The following FIGN variants were observed in gnomAD, a reference collection of about 807,000 sequenced individuals.
FIGN encodes fidgetin.
In FIGN, 11 loss-of-function variants were observed where a neutral mutation model predicts 51.3. That is an observed-to-expected ratio of 0.21 (90% CI 0.13 to 0.35). The LOEUF (loss-of-function observed/expected upper bound fraction) is 0.35, where lower values mean the gene tolerates loss of function less well. Among genes scored for constraint, FIGN ranks in the 10% least tolerant of loss-of-function variants. FIGN has a pLI of 1.00. For synonymous variants in FIGN, 407 were observed against 363.2 expected (o/e 1.12, Z -1.37); for missense variants, 857 against 943.6 (o/e 0.91, Z 1.20).
intron 2 of FIGN, among the ~76,000 whole-genome samples, chr2:163,707,277 A>G (rs926427495): frequency 3.3e-5 from 5 of 151,952 alleles, no homozygotes; most frequent in Admixed American, 3.3e-4. Context: ...TGAATCCAGG[A>G]GGTGGAGGTT....
chr2:163,620,118 T>C lies in FIGN; in HGVS notation c.26-8312A>G, dbSNP rs573235590. ...CTAAGTGTCAGGTGTCATTAACTAT[T>C]GTAAGGGAAAGAGTCTGAGGTAAAA... On this transcript the variant is annotated intron_variant, in intron 2 of 2. Coordinates refer to ENST00000333129, the MANE Select transcript of FIGN (RefSeq NM_018086.4). Among the ~76,000 whole-genome samples the C allele has an allele frequency of 2.6e-5, 4 of 152,292 alleles. No homozygotes were observed. The South Asian group carries it at 8.3e-4, about 32-fold the overall frequency.
chr2:163,723,501 T>A (rs1246885260), intron 2 of FIGN, among the ~76,000 whole-genome samples: 1 of 152,130 alleles, frequency 6.6e-6, no homozygotes, highest in Non-Finnish European at 1.5e-5. Context: ...TCGAAATCAA[T>A]CCTAATTAGG....
Position 163,735,055 on chromosome 2 carries a change from G to A in FIGN, c.-128C>T, listed in dbSNP as rs912304970. On this transcript the variant is annotated 5_prime_UTR_variant, in exon 2 of 3. It adds an upstream start codon to the 5' untranslated region. Coordinates refer to ENST00000333129, the MANE Select transcript of FIGN (RefSeq NM_018086.4). Reference sequence around the variant, plus strand: ...ACTGCCTTGAAACGTGGGCCCTTTCGTCAGGTATTCATTTAACCTACATGC... The same window carrying A: ...ACTGCCTTGAAACGTGGGCCCTTTCATCAGGTATTCATTTAACCTACATGC... 1 of 831,892 alleles carries A rather than the reference G, an allele frequency of 1.2e-6. No homozygotes were observed. Among genetic ancestry groups the A allele is most frequent in the Non-Finnish European group, 1.9e-6 (1 of 527,300 alleles). The allele number at this position is 831,892 out of a possible 1,614,324, so 51.5% of individuals were successfully genotyped here.
At chr2:163,725,032 CCT>C (rs551513640) in intron 2 of FIGN, among the ~76,000 whole-genome samples, 2 of 152,010 alleles carry the variant, frequency 1.3e-5, no homozygotes, top group Non-Finnish European at 2.9e-5. Context: ...GTTAGCTTTG[CCT>C]CAATGACTTT....
Position 163,610,284 on chromosome 2 carries a change from C to T in FIGN, c.1548G>A (p.Thr516=), listed in dbSNP as rs770726947. 35 of 1,613,984 alleles carry T rather than the reference C, an allele frequency of 2.2e-5. No homozygotes were observed. In the East Asian group the frequency reaches 4.5e-4, roughly 21 times the overall value. Residue 516 remains threonine, a synonymous_variant, in exon 3 of 3, where the codon ACG becomes ACA. Transcript: ENST00000333129. Reference sequence around the variant, plus strand: ...ATAAAAGGATGCTCCGAGGTAAGGCCGTCAGTCCACTGAACGCGTCTGACC... The same window carrying T: ...ATAAAAGGATGCTCCGAGGTAAGGCTGTCAGTCCACTGAACGCGTCTGACC... ...VLRSDAFSGL[T]ALPRSILLFG...
At chr2:163,702,055 A>G (rs997199905) in intron 2 of FIGN, among the ~76,000 whole-genome samples, 2 of 152,132 alleles carry the variant, frequency 1.3e-5, no homozygotes, top group Admixed American at 1.3e-4. Context: ...CCAGCCATGA[A>G]TATCTACCAA....
intron 2 of FIGN, among the ~76,000 whole-genome samples, chr2:163,666,697 G>T (rs1683778897): frequency 6.6e-6 from 1 of 151,964 alleles, no homozygotes; most frequent in Non-Finnish European, 1.5e-5. Context: ...CATGTCTTGT[G>T]GATAAAAATA....
chr2:163,709,926 ATATCC>A (rs1186034439), intron 2 of FIGN, among the ~76,000 whole-genome samples: 1 of 152,198 alleles, frequency 6.6e-6, no homozygotes, highest in Non-Finnish European at 1.5e-5. Context: ...AAATGTTAAC[ATATCC>A]TATCATATGA....
In FIGN at chr2:163,660,766, T is replaced by C. The variant is rs1378742652; in HGVS notation, c.26-48960A>G. ...ATATATGTATACACATATACATATA[T>C]ATGTATACACATATACATATATATG... is the stretch of plus-strand genomic sequence containing the variant. On this transcript the variant is annotated intron_variant, in intron 2 of 2. Transcript: ENST00000333129. 6.7e-4 allele frequency among the ~76,000 whole-genome samples: 70 copies of C among 104,170 alleles called. 25 individuals carry two copies. In the South Asian group the frequency reaches 0.01, roughly 16 times the overall value. 68.3% of individuals were successfully genotyped at this position (104,170 alleles called of 152,430 possible). A position where few individuals can be genotyped will look rare whatever the true frequency, so the allele number is the denominator to read the frequency against.
chr2:163,630,683 G>T (rs1433412109), intron 2 of FIGN, among the ~76,000 whole-genome samples: 14 of 150,374 alleles, frequency 9.3e-5, no homozygotes, highest in African/African-American at 3.4e-4. Flanking sequence ...AAAGGGGGGG[G>T]GGAATGATGA....
At chr2:163,675,388 A>G (rs1683940596) in intron 2 of FIGN, among the ~76,000 whole-genome samples, 2 of 152,258 alleles carry the variant, frequency 1.3e-5, no homozygotes. Flanking sequence ...AGAATTTCTT[A>G]TCACAGACTA....
chr2:163,686,935 G>C (rs1007192357), intron 2 of FIGN, among the ~76,000 whole-genome samples: 1 of 151,490 alleles, frequency 6.6e-6, no homozygotes, highest in African/African-American at 2.4e-5. Context: ...TATTTGTAAA[G>C]AGTGTTATTA....
intron 2 of FIGN, among the ~76,000 whole-genome samples, chr2:163,642,989 C>G (rs549753172): frequency 1.3e-5 from 2 of 151,672 alleles, no homozygotes; most frequent in Admixed American, 1.3e-4. Flanking sequence ...TCAGTGCAAT[C>G]CCTATCAGAA....
At chr2:163,641,388 AG>A (rs147711196) in intron 2 of FIGN, among the ~76,000 whole-genome samples, 2,119 of 152,304 alleles carry the variant, frequency 0.014, 49 homozygotes, top group African/African-American at 0.049. Context: ...AAACAGCAAA[AG>A]CTCCAATTTC....
chr2:163,665,177 C>T (rs1022308788), intron 2 of FIGN, among the ~76,000 whole-genome samples: 2 of 152,170 alleles, frequency 1.3e-5, no homozygotes, highest in Admixed American at 6.5e-5. Context: ...TTTCTATTGT[C>T]GTTAGACTAG....
In FIGN at chr2:163,610,306, G is replaced by A. The variant is rs374655005; in HGVS notation, c.1526C>T (p.Ser509Leu). 6 of 1,614,030 alleles carry A rather than the reference G, an allele frequency of 3.7e-6. No individual in the cohort carries two copies. In the African/African-American group the frequency reaches 8.0e-5, roughly 22 times the overall value. Residue 509 changes from serine (S) to leucine (L), a missense_variant, in exon 3 of 3, where the codon TCA (serine) becomes TTA (leucine). Around this residue, in one of 3 missense-constraint regions of FIGN, gnomAD observed 799 missense variants for 849.5 expected, o/e 0.94. Transcript: ENST00000333129. ...KEEVLWPVLRSDAFSGLTALP... is the reference protein window; with the variant it reads ...KEEVLWPVLRLDAFSGLTALP... Reference sequence around the variant, plus strand: ...GGCCGTCAGTCCACTGAACGCGTCTGACCTCAACACTGGCCATAAAACCTC... The same window carrying A: ...GGCCGTCAGTCCACTGAACGCGTCTAACCTCAACACTGGCCATAAAACCTC...
At chr2:163,663,200 C>A (rs945479901) in intron 2 of FIGN, among the ~76,000 whole-genome samples, 1 of 151,296 alleles carries the variant, frequency 6.6e-6, no homozygotes, top group Admixed American at 6.6e-5. Flanking sequence ...GGATTACAGG[C>A]GTGATCGACC....
rs71410075 is a variant in FIGN at position 163,604,936 on chromosome 2, C to CTTTTTTTTTTTTTTT, written c.*4601_*4615dup. The CTTTTTTTTTTTTTTT allele has an allele frequency of 4.7e-4, 44 of 94,254 alleles. No individual in the cohort carries two copies. The highest frequency in any genetic ancestry group is 9.3e-4 in the South Asian group (2 of 2,144). The allele number at this position is 94,254 out of a possible 1,614,324, so 5.8% of individuals were successfully genotyped here. A position where few individuals can be genotyped will look rare whatever the true frequency, so the allele number is the denominator to read the frequency against. ...TTTTAAGCCCAGAAATAAACTTTTGCTTTTTTTTTTTTTTTTTTTGTATCA... is the reference window on the plus strand; with the variant it reads ...TTTTAAGCCCAGAAATAAACTTTTGCTTTTTTTTTTTTTTTTTTTTTTTTTTTTTTTTTTGTATCA... On this transcript the variant is annotated 3_prime_UTR_variant, in exon 3 of 3. Transcript: ENST00000333129.
chr2:163,695,385 A>G (rs561059305), intron 2 of FIGN, among the ~76,000 whole-genome samples: 3 of 152,196 alleles, frequency 2.0e-5, no homozygotes, highest in African/African-American at 7.2e-5. Context: ...TGTAAAATGC[A>G]CTTCCTCCCT....
Sources: gnomAD v4.1 joint callset for allele counts (sites outside exome capture counted in the v4.1 genomes callset) on GRCh38, gnomAD v4.1.1 for gene constraint, gnomAD v4.1.1 regional missense constraint, MANE v1.5 for transcripts, NCBI Gene and HGNC (gene_info 2026-07-23, HGNC 2026-07-21) for gene names.